The following FAM135A variants were observed in gnomAD, a reference collection of about 807,000 sequenced individuals.
FAM135A encodes family with sequence similarity 135 member A.
Under a neutral mutation model 146.8 loss-of-function variants are expected in FAM135A, and 79 were observed. The observed-to-expected ratio is 0.54, with a 90% CI of 0.45 to 0.65. The LOEUF (loss-of-function observed/expected upper bound fraction) is 0.65, where lower values mean the gene tolerates loss of function less well. Among genes scored for constraint, FAM135A ranks in the 30% least tolerant of loss-of-function variants. The pLI is 0.00. For synonymous variants in FAM135A, 562 were observed against 603.6 expected (o/e 0.93, Z 1.01); for missense variants, 1,623 against 1,758.2 (o/e 0.92, Z 1.38).
intron 4 of FAM135A, among the ~76,000 whole-genome samples, chr6:70,432,166 T>G (rs914314520): frequency 6.6e-6 from 1 of 152,142 alleles, no homozygotes; most frequent in Non-Finnish European, 1.5e-5. Context: ...AACACATTCT[T>G]TTAGCCACTA....
At chr6:70,493,836 T>C (rs1786602898) in intron 11 of FAM135A, among the ~76,000 whole-genome samples, 1 of 152,076 alleles carries the variant, frequency 6.6e-6, no homozygotes, top group Non-Finnish European at 1.5e-5. Context: ...GCGGATCACC[T>C]GAGGTCAGGA....
intron 4 of FAM135A, among the ~76,000 whole-genome samples, chr6:70,437,420 AT>A (rs1773426822): frequency 6.6e-6 from 1 of 152,130 alleles, no homozygotes; most frequent in Admixed American, 6.5e-5. Context: ...AAGTTTACAT[AT>A]AAAAAATTAA....
chr6:70,434,387 T>G (rs1358591005), intron 4 of FAM135A, among the ~76,000 whole-genome samples: 2 of 152,206 alleles, frequency 1.3e-5, no homozygotes, highest in Non-Finnish European at 2.9e-5. Context: ...CTAGAATGCT[T>G]TAGGTCAGTG....
At chr6:70,484,797 A>G (rs184853324) in intron 10 of FAM135A, among the ~76,000 whole-genome samples, 74 of 152,340 alleles carry the variant, frequency 4.9e-4, no homozygotes, top group African/African-American at 1.7e-3. Context: ...GCCACAGACA[A>G]GTACCAGTCC....
chr6:70,526,124 A>C lies in FAM135A; in HGVS notation c.3040A>C (p.Thr1014Pro). 6.2e-7 allele frequency: 1 copy of C among 1,613,644 alleles called. No homozygotes were observed. Among genetic ancestry groups the C allele is most frequent in the Admixed American group, 1.7e-5 (1 of 60,010 alleles). Residue 1014 changes from threonine to proline, a missense_variant, in exon 15 of 22, where the codon ACA becomes CCA. Thr to Pro is a conservative substitution (Grantham distance 38). Coordinates refer to ENST00000418814, the MANE Select transcript of FAM135A (RefSeq NM_001162529.3). ...CACACAGATGTATTCAGAAATCCCT[A>C]CAGTTGAAAGTGAAACTCATCTGGG... is the stretch of plus-strand genomic sequence containing the variant. ...NLTQMYSEIP[T>P]VESETHLGTS...
At chr6:70,458,739 A>G (rs1374052119) in intron 5 of FAM135A, among the ~76,000 whole-genome samples, 6 of 152,172 alleles carry the variant, frequency 3.9e-5, no homozygotes, top group Admixed American at 3.3e-4. Flanking sequence ...TGCGTCTCAC[A>G]AGTGTTAGTT....
chr6:70,455,638 T>TACTACTAG (rs1778192379), intron 5 of FAM135A, among the ~76,000 whole-genome samples: 1 of 152,176 alleles, frequency 6.6e-6, no homozygotes, highest in Non-Finnish European at 1.5e-5. Context: ...TCCTTGAATC[T>TACTACTAG]AGTAGACTAG....
chr6:70,431,287 G>A (rs998638861), intron 4 of FAM135A, among the ~76,000 whole-genome samples: 2 of 152,112 alleles, frequency 1.3e-5, no homozygotes, highest in Non-Finnish European at 2.9e-5. Flanking sequence ...TCATCTCAAC[G>A]GTTCTACTGA....
intron 20 of FAM135A, among the ~76,000 whole-genome samples, chr6:70,548,867 C>A (rs1799311134): frequency 6.6e-6 from 1 of 151,088 alleles, no homozygotes; most frequent in East Asian, 1.9e-4. Flanking sequence ...TACATAACAA[C>A]CCAAAAGAAA....
In FAM135A at chr6:70,460,088, T is replaced by C. The variant is rs536183296; in HGVS notation, c.157+7517T>C. 1.3e-3 allele frequency among the ~76,000 whole-genome samples: 203 copies of C among 152,276 alleles called. 3 individuals carry two copies. In the South Asian group the frequency reaches 0.041, roughly 31 times the overall value. ...GACTTGTAGTAAAAACTATAGCTTGTTTTCTAGATGTAACAACTTTTACCC... is the reference window on the plus strand; with the variant it reads ...GACTTGTAGTAAAAACTATAGCTTGCTTTCTAGATGTAACAACTTTTACCC... On this transcript the variant is annotated intron_variant, in intron 5 of 21. Coordinates refer to ENST00000418814, the MANE Select transcript of FAM135A (RefSeq NM_001162529.3).
In FAM135A at chr6:70,560,875, ATTAAC is replaced by A. The variant is rs1463924563; in HGVS notation, c.*957_*961del. The A allele has an allele frequency of 5.2e-5, 8 of 152,610 alleles. No individual in the cohort carries two copies. Among genetic ancestry groups the A allele is most frequent in the African/African-American group, 9.6e-5 (4 of 41,468 alleles). The allele number at this position is 152,610 out of a possible 1,614,324, so 9.5% of individuals were successfully genotyped here. ...TTCATGTTAAAGATGGAACAAAATA[ATTAAC>A]TTTACATGTTTGGTGATACAGATGC... On this transcript the variant is annotated 3_prime_UTR_variant, in exon 22 of 22. Transcript: ENST00000418814.
At chr6:70,513,450 T>C (rs1791502323) in intron 12 of FAM135A, 1 of 150,626 alleles carries the variant, frequency 6.6e-6, no homozygotes, top group Non-Finnish European at 1.5e-5. Context: ...AATCTATAGA[T>C]CAATTTAGGG....
rs143617087 is a variant in FAM135A at position 70,495,759 on chromosome 6, G to T, written c.873+4676G>T. On this transcript the variant is annotated intron_variant, in intron 11 of 21. Transcript: ENST00000418814. ...CCCATCAACCTGTCGTCTACATTAG[G>T]TATTTTTCATAATGCTATCCTTCCC... Among the ~76,000 whole-genome samples, 22 of 152,218 alleles carry T rather than the reference G, an allele frequency of 1.4e-4. No homozygotes were observed. In the East Asian group the frequency reaches 4.1e-3, roughly 28 times the overall value.
At position 70,525,484 on chromosome 6, in the gene FAM135A, T is replaced by G. The variant is rs985351188; in HGVS notation, c.2400T>G (p.Ser800Arg). ...TGCAAGGGCAAGGTCCTTGCAATAG[T>G]GAAAGATTATTTCCTCAGCTTTTGA... is the stretch of plus-strand genomic sequence containing the variant. The part of the protein sequence containing the change: ...ETVQGQGPCN[S>R]ERLFPQLLMK... The change falls in exon 15 of 22, where the codon AGT becomes AGG. Residue 800 changes from serine to arginine, a missense_variant. Transcript: ENST00000418814. The G allele has an allele frequency of 3.7e-6, 6 of 1,612,158 alleles. No individual in the cohort carries two copies. The highest frequency in any genetic ancestry group is 1.3e-5 in the African/African-American group (1 of 74,826).
intron 4 of FAM135A, among the ~76,000 whole-genome samples, chr6:70,441,557 C>G (rs1774482101): frequency 6.6e-6 from 1 of 152,060 alleles, no homozygotes; most frequent in African/African-American, 2.4e-5. Context: ...TGATCCAGAC[C>G]TGGAGTCAGC....
chr6:70,520,153 A>C (rs1170941512), intron 12 of FAM135A, among the ~76,000 whole-genome samples: 1 of 151,956 alleles, frequency 6.6e-6, no homozygotes, highest in African/African-American at 2.4e-5. Flanking sequence ...TACCTCTGTA[A>C]TTCATTTTTC....
chr6:70,461,598 CTATT>C (rs1212130558), intron 5 of FAM135A, among the ~76,000 whole-genome samples: 2 of 151,886 alleles, frequency 1.3e-5, no homozygotes, highest in African/African-American at 4.8e-5. Context: ...ACCAATAAAA[CTATT>C]TATGAGATAG....
At chr6:70,451,964 A>G (rs978207596) in intron 4 of FAM135A, among the ~76,000 whole-genome samples, 1 of 151,944 alleles carries the variant, frequency 6.6e-6, no homozygotes, top group Non-Finnish European at 1.5e-5. Flanking sequence ...AAATATATGT[A>G]TGCTATTTCA....
intron 5 of FAM135A, among the ~76,000 whole-genome samples, chr6:70,474,178 A>G (rs375949001): frequency 6.6e-6 from 1 of 152,024 alleles, no homozygotes; most frequent in African/African-American, 2.4e-5. Context: ...ACTGACATCC[A>G]CCAGCTTATG....
Sources: gnomAD v4.1 joint callset for allele counts (sites outside exome capture counted in the v4.1 genomes callset) on GRCh38, gnomAD v4.1.1 for gene constraint, MANE v1.5 for transcripts, NCBI Gene and HGNC (gene_info 2026-07-23, HGNC 2026-07-21) for gene names.